CDKL5: variants seen among roughly 807,000 people sequenced by gnomAD.
The protein encoded by CDKL5 is cyclin dependent kinase like 5.
A neutral mutation model predicts 61.7 loss-of-function variants in CDKL5; 8 were observed. That is an observed-to-expected ratio of 0.13 (90% confidence interval 0.08 to 0.23). The LOEUF is 0.23. Ranked by LOEUF, CDKL5 falls within the 10% of genes least tolerant of loss-of-function variation. CDKL5 has a pLI of 1.00. For synonymous variants in CDKL5, 275 were observed against 272.3 expected, an observed-to-expected ratio of 1.01 and a Z score of -0.10; for missense variants, 440 against 734.5, an observed-to-expected ratio of 0.60 and a Z score of 4.63.
intron 1 of CDKL5, among the ~76,000 whole-genome samples, chrX:18,477,038 G>A (rs1406894750): frequency 9.0e-6 from 1 of 111,507 alleles, no homozygotes; most frequent in Non-Finnish European, 1.9e-5. Context: ...AAAGTGCTGG[G>A]ATTACAGGCG....
At chrX:18,494,896 A>G (rs971337667) in intron 1 of CDKL5, among the ~76,000 whole-genome samples, 1 of 112,204 alleles carries the variant, frequency 8.9e-6, no homozygotes, top group South Asian at 3.7e-4. Flanking sequence ...TGAAGATCCT[A>G]TTAATTATGG....
At chrX:18,595,305 T>A (rs1403869399) in intron 9 of CDKL5, 43 bp from the exon 10 acceptor site, 2 of 938,864 alleles carry the variant, frequency 2.1e-6, no homozygotes, top group Non-Finnish European at 3.1e-6. Flanking sequence ...CACACACATG[T>A]CCTTCCCCAA....
At chrX:18,489,095 A>G (rs899252804) in intron 1 of CDKL5, among the ~76,000 whole-genome samples, 1 of 111,234 alleles carries the variant, frequency 9.0e-6, no homozygotes, top group African/African-American at 3.3e-5. Flanking sequence ...CTGGTCCAGG[A>G]GAGAATACTG....
At chrX:18,548,827 A>C (rs770858483) in intron 3 of CDKL5, among the ~76,000 whole-genome samples, 1 of 112,213 alleles carries the variant, frequency 8.9e-6, no homozygotes, top group South Asian at 3.7e-4. Context: ...CTTTCTTTGA[A>C]CTTCAGTGTT....
chrX:18,569,728 T>G (rs1165267350), intron 4 of CDKL5, among the ~76,000 whole-genome samples: 1 of 111,483 alleles, frequency 9.0e-6, no homozygotes, highest in Non-Finnish European at 1.9e-5. Flanking sequence ...TGACATACAT[T>G]TGGACCTTCT....
rs761385911 is a variant in CDKL5, at chrX:18,647,260, G to A, written c.2797+1170G>A. 11 of 1,207,111 alleles carry A rather than the reference G, an allele frequency of 9.1e-6. No homozygotes were observed. The highest frequency in any genetic ancestry group is 3.5e-5 in the South Asian group (2 of 56,691). ...AGAATACCAGCCCACATACTGCTCC[G>A]GGTTAGAGCAGGTGATCTGGTCCGG... On this transcript the variant is annotated intron_variant, in intron 20 of 21. Transcript: ENST00000379989.
chrX:18,641,764 C>A (rs1424360942), downstream of CDKL5: 1 of 400,238 alleles, frequency 2.5e-6, no homozygotes. Context: ...TAAGAAAATT[C>A]GTTTCGGGGA....
intron 3 of CDKL5, among the ~76,000 whole-genome samples, chrX:18,518,498 G>C (rs1445870641): frequency 1.0e-5 from 1 of 96,034 alleles, no homozygotes; most frequent in African/African-American, 3.8e-5. Flanking sequence ...TCTGCCTCCC[G>C]GGTTCAAGTG....
At chrX:18,538,261 C>T (rs753261399) in intron 3 of CDKL5, among the ~76,000 whole-genome samples, 6 of 111,567 alleles carry the variant, frequency 5.4e-5, no homozygotes, top group Non-Finnish European at 1.1e-4. Flanking sequence ...AGTACCCGTG[C>T]CATTTTTCCA....
At chrX:18,536,961 C>T (rs1923861465) in intron 3 of CDKL5, among the ~76,000 whole-genome samples, 1 of 108,902 alleles carries the variant, frequency 9.2e-6, no homozygotes, top group African/African-American at 3.4e-5. Flanking sequence ...ACACATATAC[C>T]CATTACTTTC....
chrX:18,475,256 G>A (rs926339109), intron 1 of CDKL5, among the ~76,000 whole-genome samples: 2 of 110,736 alleles, frequency 1.8e-5, no homozygotes, highest in Non-Finnish European at 3.8e-5. Flanking sequence ...ACCACACCTG[G>A]CTTAAACTTT....
At chrX:18,603,108 G>A (rs898496144) in intron 11 of CDKL5, among the ~76,000 whole-genome samples, 1 of 111,568 alleles carries the variant, frequency 9.0e-6, no homozygotes, top group Non-Finnish European at 1.9e-5. Context: ...GGGCTCAGTC[G>A]GTCTAGGATA....
intron 3 of CDKL5, among the ~76,000 whole-genome samples, chrX:18,561,395 GA>G (rs1420325408): frequency 9.4e-6 from 1 of 106,150 alleles, no homozygotes; most frequent in African/African-American, 3.5e-5. Context: ...AACCATACAA[GA>G]AAAGGACTGG....
At chrX:18,579,612 G>A (rs1320666012) in intron 5 of CDKL5, among the ~76,000 whole-genome samples, 1 of 110,635 alleles carries the variant, frequency 9.0e-6, no homozygotes, top group African/African-American at 3.3e-5. Flanking sequence ...AGAGTGAAAA[G>A]TATACAGGGT....
At chrX:18,503,819 G>A (rs1377183013) in intron 1 of CDKL5, among the ~76,000 whole-genome samples, 1 of 111,770 alleles carries the variant, frequency 8.9e-6, no homozygotes, top group Non-Finnish European at 1.9e-5. Context: ...ACGGCTCACC[G>A]CAGCTTCGCC....
chrX:18,447,607 C>T (rs1194844038), intron 1 of CDKL5, among the ~76,000 whole-genome samples: 2 of 110,855 alleles, frequency 1.8e-5, no homozygotes, highest in Non-Finnish European at 3.8e-5. Context: ...ATCACTATCC[C>T]CTTGAACCAA....
chrX:18,598,730 A>G (rs1926090065), intron 11 of CDKL5, 117 bp downstream of exon 11: 1 of 701,838 alleles, frequency 1.4e-6, no homozygotes, highest in Middle Eastern at 3.6e-4. Context: ...TTTATTCAAA[A>G]ATATCTTCCT....
Position 18,478,430 on chromosome X carries a change from A to G in CDKL5, c.-162-28505A>G, listed in dbSNP as rs190270563. On this transcript the variant is annotated intron_variant, in intron 1 of 17. Coordinates refer to ENST00000623535, the MANE Select transcript of CDKL5 (RefSeq NM_001323289.2). ...CTCAGCCTCCCAAGTAGCTGGGATA[A>G]CAGGCATGCACCACCACACCTGGCT... Among the ~76,000 whole-genome samples the G allele has an allele frequency of 9.4e-4, 100 of 106,787 alleles. 1 individual carries two copies. Among genetic ancestry groups the G allele is most frequent in the African/African-American group, 3.1e-3 (92 of 29,377 alleles). The allele number at this position is 106,787 out of a possible 115,157, so 92.7% of individuals were successfully genotyped here.
At chrX:18,493,561 A>G (rs1922064053) in intron 1 of CDKL5, among the ~76,000 whole-genome samples, 1 of 112,558 alleles carries the variant, frequency 8.9e-6, no homozygotes, top group African/African-American at 3.2e-5. Context: ...CATTTCAAAC[A>G]TGAAATTTAT....
Sources: allele counts gnomAD v4.1 joint callset (sites outside exome capture counted in the v4.1 genomes callset), GRCh38; gene constraint gnomAD v4.1.1; transcripts MANE v1.5; gene names NCBI Gene and HGNC (gene_info 2026-07-23, HGNC 2026-07-21).